Variants in GRIK1 observed in about 807,000 individuals in gnomAD.
The protein encoded by GRIK1 is glutamate ionotropic receptor kainate type subunit 1, also known as glutamate receptor ionotropic, kainate 1.
A neutral mutation model predicts 105.7 loss-of-function variants in GRIK1; 69 were observed. The ratio of observed to expected loss-of-function variants is 0.65; its 90% confidence interval spans 0.54 to 0.80. The LOEUF (loss-of-function observed/expected upper bound fraction) is 0.80, where lower values mean the gene tolerates loss of function less well. GRIK1 is among the 30% of genes least tolerant of loss of function. The pLI, the probability that GRIK1 is intolerant of heterozygous loss-of-function variation, is 0.00. For synonymous variants in GRIK1, 438 were observed against 431.3 expected, an observed-to-expected ratio of 1.02 and a Z score of -0.19; for missense variants, 1,109 against 1,167.3, an observed-to-expected ratio of 0.95 and a Z score of 0.73.
At chr21:29,684,028 T>G (rs566918672) in intron 3 of GRIK1, among the ~76,000 whole-genome samples, 4 of 152,382 alleles carry the variant, frequency 2.6e-5, no homozygotes, top group Non-Finnish European at 4.4e-5. Flanking sequence ...TACATAAAAC[T>G]GTATACCTCA....
intron 1 of GRIK1, among the ~76,000 whole-genome samples, chr21:29,931,207 C>T (rs1277955248): frequency 6.6e-6 from 1 of 152,108 alleles, no homozygotes; most frequent in East Asian, 1.9e-4. Context: ...TTTCTTGTTG[C>T]TGTTTCGGGA....
At chr21:29,836,234 G>A (rs60362643) in intron 1 of GRIK1, among the ~76,000 whole-genome samples, 6,199 of 152,254 alleles carry the variant, frequency 0.041, 324 homozygotes, top group African/African-American at 0.12. Context: ...ATTTCTTTCT[G>A]TTTTAATACA....
At chr21:29,934,528 A>G (rs970764530) in intron 1 of GRIK1, among the ~76,000 whole-genome samples, 1 of 152,180 alleles carries the variant, frequency 6.6e-6, no homozygotes, top group Non-Finnish European at 1.5e-5. Flanking sequence ...ATCAAATATA[A>G]GAGAAATGAA....
At chr21:29,580,996 T>C (rs2091013206) in intron 13 of GRIK1, among the ~76,000 whole-genome samples, 1 of 152,082 alleles carries the variant, frequency 6.6e-6, no homozygotes, top group Non-Finnish European at 1.5e-5. Context: ...GCCAGAGTAG[T>C]AATTAGGTGG....
intron 6 of GRIK1, among the ~76,000 whole-genome samples, chr21:29,645,414 G>A (rs2062597647): frequency 6.6e-6 from 1 of 152,174 alleles, no homozygotes; most frequent in Admixed American, 6.5e-5. Flanking sequence ...TGATAGAGAA[G>A]TATAAGGACT....
chr21:29,895,829 C>T (rs564569257), intron 1 of GRIK1, among the ~76,000 whole-genome samples: 4 of 152,278 alleles, frequency 2.6e-5, no homozygotes, highest in South Asian at 2.1e-4. Context: ...CTCTTAGCCT[C>T]GGGTTTTCAC....
intron 16 of GRIK1, among the ~76,000 whole-genome samples, chr21:29,542,379 T>A (rs951382105): frequency 1.4e-5 from 1 of 71,566 alleles, no homozygotes; most frequent in African/African-American, 4.0e-5. Flanking sequence ...AGCCTGAATA[T>A]AAATTATATC....
At chr21:29,750,397 G>C (rs886881147) in intron 1 of GRIK1, among the ~76,000 whole-genome samples, 15 of 152,162 alleles carry the variant, frequency 9.9e-5, no homozygotes, top group African/African-American at 3.4e-4. Context: ...ACATCACCCT[G>C]AGCCAGAGCT....
chr21:29,753,030 A>G (rs2065244543), intron 1 of GRIK1, among the ~76,000 whole-genome samples: 1 of 152,246 alleles, frequency 6.6e-6, no homozygotes, highest in African/African-American at 2.4e-5. Flanking sequence ...ACAGCACCCT[A>G]TGCTCTTGTC....
At chr21:29,699,741 C>A (rs948688060) in intron 1 of GRIK1, among the ~76,000 whole-genome samples, 1 of 151,818 alleles carries the variant, frequency 6.6e-6, no homozygotes, top group South Asian at 2.1e-4. Flanking sequence ...CTCCAGCTCC[C>A]GGGTTCAAGA....
chr21:29,847,423 C>T (rs1369172367), intron 1 of GRIK1, among the ~76,000 whole-genome samples: 3 of 152,074 alleles, frequency 2.0e-5, no homozygotes, highest in South Asian at 4.1e-4. Flanking sequence ...GTGAAACTTC[C>T]GTCTCTACTA....
intron 13 of GRIK1, 110 bp from the exon 14 acceptor site, chr21:29,577,291 T>C (rs2090919050): frequency 1.6e-6 from 1 of 614,118 alleles, no homozygotes; most frequent in African/African-American, 1.8e-5. Context: ...CTTACCGTCT[T>C]GTAGGTAGAT....
chr21:29,808,686 T>C (rs1384284647), intron 1 of GRIK1, among the ~76,000 whole-genome samples: 1 of 152,208 alleles, frequency 6.6e-6, no homozygotes, highest in Admixed American at 6.5e-5. Flanking sequence ...AAGGGAATTG[T>C]GTGCTTGTAA....
intron 1 of GRIK1, among the ~76,000 whole-genome samples, chr21:29,731,375 T>C (rs1366222380): frequency 6.6e-6 from 1 of 152,224 alleles, no homozygotes. Flanking sequence ...TGCTTTTACT[T>C]TGACTTGACC....
chr21:29,823,320 G>T (rs992952351), intron 1 of GRIK1, among the ~76,000 whole-genome samples: 4 of 151,648 alleles, frequency 2.6e-5, no homozygotes, highest in African/African-American at 9.7e-5. Flanking sequence ...ACCTTGGCAG[G>T]GTAAGAGTAA....
At chr21:29,683,661 C>T (rs2063424798) in intron 3 of GRIK1, among the ~76,000 whole-genome samples, 1 of 152,154 alleles carries the variant, frequency 6.6e-6, no homozygotes, top group African/African-American at 2.4e-5. Context: ...CCTATTGGTA[C>T]CTGTGCTCAC....
chr21:29,741,810 G>A (rs747581184), intron 1 of GRIK1, among the ~76,000 whole-genome samples: 2 of 152,172 alleles, frequency 1.3e-5, no homozygotes, highest in East Asian at 1.9e-4. Flanking sequence ...TCCACAGGTC[G>A]AGTGGTAGAA....
rs142162890 is a variant in GRIK1, at chr21:29,646,819, A to G, written c.955-3850T>C. Among the ~76,000 whole-genome samples the G allele has an allele frequency of 2.4e-3, 369 of 151,822 alleles. 2 individuals carry two copies. Among genetic ancestry groups the G allele is most frequent in the African/African-American group, 8.5e-3 (354 of 41,422 alleles). The stretch of plus-strand genomic sequence containing the variant: ...TTGGAAATACATGGATTCTGCCATG[A>G]TATTTCAGAATATCTCTTGTTCTTT... On this transcript the variant is annotated intron_variant, in intron 6 of 17. Transcript: ENST00000327783.
At chr21:29,655,952 T>A (rs1017991960) in intron 4 of GRIK1, among the ~76,000 whole-genome samples, 1 of 152,162 alleles carries the variant, frequency 6.6e-6, no homozygotes, top group Non-Finnish European at 1.5e-5. Context: ...AAGATGCAAA[T>A]GGTTTGGAGA....
Sources: allele counts gnomAD v4.1 joint callset (sites outside exome capture counted in the v4.1 genomes callset), GRCh38; gene constraint gnomAD v4.1.1; transcripts MANE v1.5; gene names NCBI Gene and HGNC (gene_info 2026-07-23, HGNC 2026-07-21).